The following PHF21A variants were observed in gnomAD, a reference collection of about 807,000 sequenced individuals.
PHF21A encodes PHD finger protein 21A, also known as BHC80a.
PHF21A carries 11 observed loss-of-function variants against 82.5 expected under a neutral mutation model. The ratio of observed to expected loss-of-function variants is 0.13; its 90% CI spans 0.08 to 0.22. The LOEUF is 0.22. Among genes scored for constraint, PHF21A ranks in the 10% least tolerant of loss-of-function variants. PHF21A has a pLI of 1.00. For synonymous variants in PHF21A, 297 were observed against 302.8 expected (o/e 0.98, Z 0.20); for missense variants, 579 against 837.8 (o/e 0.69, Z 3.81).
intron 6 of PHF21A, among the ~76,000 whole-genome samples, chr11:45,994,228 C>A (rs1276860913): frequency 6.6e-6 from 1 of 152,264 alleles, no homozygotes; most frequent in South Asian, 2.1e-4. Context: ...AAGTGTTGGG[C>A]TCTGGTGGGT....
In PHF21A at chr11:45,933,967, G is replaced by C. The variant is rs2088081745; in HGVS notation, c.*1C>G. The C allele has an allele frequency of 6.5e-7, 1 of 1,545,242 alleles. No individual in the cohort carries two copies. The highest frequency in any genetic ancestry group is 1.4e-5 in the African/African-American group (1 of 72,296). ...CCGTGGCTTCTCCTAGAGGGGCTCT[G>C]TTATTTAGTCTCTTCCCCCTGGTTA... On this transcript the variant is annotated 3_prime_UTR_variant, in exon 19 of 19. Transcript: ENST00000676320.
In PHF21A at chr11:45,934,244, G is replaced by A. The variant is rs761749780; in HGVS notation, c.1789-19C>T. ...TGCATTTCTGCAGCAAATGACAAGG[G>A]CAGTGGCACTGAGCCGCCTGGTTTC... On this transcript the variant is annotated intron_variant, in intron 18 of 18. Coordinates refer to ENST00000676320, the MANE Select transcript of PHF21A (RefSeq NM_001352027.3). 4.4e-6 allele frequency: 7 copies of A among 1,606,238 alleles called. No individual in the cohort carries two copies. In the South Asian group the frequency reaches 5.5e-5, roughly 13 times the overall value.
intron 6 of PHF21A, among the ~76,000 whole-genome samples, chr11:45,983,000 G>C (rs1435495457): frequency 1.3e-5 from 2 of 152,140 alleles, no homozygotes; most frequent in Non-Finnish European, 2.9e-5. Context: ...CCTAGCTAAA[G>C]TACACTAGAA....
intron 6 of PHF21A, among the ~76,000 whole-genome samples, chr11:46,041,800 T>G (rs1268854902): frequency 1.3e-5 from 2 of 152,204 alleles, no homozygotes; most frequent in African/African-American, 2.4e-5. Context: ...TCACACATCT[T>G]TCTTCTCCCA....
chr11:45,958,646 G>T (rs1466151219), intron 10 of PHF21A, among the ~76,000 whole-genome samples: 13 of 151,532 alleles, frequency 8.6e-5, no homozygotes, highest in Non-Finnish European at 1.8e-4. Context: ...ACCAGGCTTG[G>T]TGTTCATGCC....
chr11:46,037,220 T>C (rs889483028), intron 6 of PHF21A, among the ~76,000 whole-genome samples: 3 of 152,250 alleles, frequency 2.0e-5, no homozygotes, highest in Non-Finnish European at 2.9e-5. Context: ...ATGTTTGTAG[T>C]ATATTTTGTG....
intron 15 of PHF21A, among the ~76,000 whole-genome samples, chr11:45,945,058 C>T (rs1329002155): frequency 3.3e-5 from 5 of 152,332 alleles, no homozygotes; most frequent in South Asian, 4.1e-4. Context: ...CCACCATGCC[C>T]GGCCCCATTT....
chr11:45,981,355 T>C (rs2094272943), intron 6 of PHF21A, among the ~76,000 whole-genome samples: 1 of 134,140 alleles, frequency 7.5e-6, no homozygotes, highest in Non-Finnish European at 1.5e-5. Context: ...CATTGCACTC[T>C]GCACTCCAGC....
intron 5 of PHF21A, 135 bp from the exon 6 acceptor site, chr11:46,076,954 T>C: frequency 1.5e-6 from 1 of 656,346 alleles, no homozygotes. Flanking sequence ...TGTCATGCAT[T>C]ACACTGTGGC....
chr11:45,951,097 G>T (rs1591129924), intron 11 of PHF21A, among the ~76,000 whole-genome samples: 1 of 152,274 alleles, frequency 6.6e-6, no homozygotes, highest in East Asian at 1.9e-4. Flanking sequence ...GAAACAAATT[G>T]ATTTCTATTC....
At chr11:45,996,796 A>G (rs2094924150) in intron 6 of PHF21A, among the ~76,000 whole-genome samples, 2 of 152,260 alleles carry the variant, frequency 1.3e-5, no homozygotes, top group South Asian at 4.1e-4. Flanking sequence ...ACAGCAACTC[A>G]GAATAAAGTT....
chr11:46,010,657 G>A (rs78818556), intron 6 of PHF21A, among the ~76,000 whole-genome samples: 1 of 152,320 alleles, frequency 6.6e-6, no homozygotes, highest in Admixed American at 6.5e-5. Context: ...CTTGGCTGTG[G>A]AAGAAATAAC....
At chr11:46,010,294 G>A (rs533636673) in intron 6 of PHF21A, among the ~76,000 whole-genome samples, 1 of 152,276 alleles carries the variant, frequency 6.6e-6, no homozygotes, top group African/African-American at 2.4e-5. Context: ...TAAAATGTCA[G>A]CATTTTGTAA....
At chr11:46,040,890 G>GACACACACACACACAC (rs35673374) in intron 6 of PHF21A, among the ~76,000 whole-genome samples, 1 of 137,222 alleles carries the variant, frequency 7.3e-6, no homozygotes, top group African/African-American at 2.7e-5. Context: ...CTGACAGGAA[G>GACACACACACACACAC]ACACACACAC....
intron 1 of PHF21A, among the ~76,000 whole-genome samples, chr11:46,110,421 T>C (rs2097199002): frequency 6.6e-6 from 1 of 152,214 alleles, no homozygotes; most frequent in South Asian, 2.1e-4. Flanking sequence ...GTCAAAGGTC[T>C]CTATACTGAA....
In PHF21A at chr11:45,933,999, G is replaced by A. The variant is rs149898933; in HGVS notation, c.2015C>T (p.Ala672Val). 9.3e-5 allele frequency: 148 copies of A among 1,593,080 alleles called. No homozygotes were observed. The African/African-American group carries it at 1.6e-3, about 18-fold the overall frequency. ...APSPSSQSCTANCNQGEETK is the reference protein window; with the variant it reads ...APSPSSQSCTVNCNQGEETK ...AGTCTCTTCCCCCTGGTTACAGTTC[G>A]CTGTGCAGCTCTGGGAGGAGGGGGA... Residue 672 changes from alanine to valine, a missense_variant, in exon 19 of 19, where the codon GCG (alanine) becomes GTG (valine). Physicochemically the swap from Ala to Val is moderately conservative, Grantham distance 64. Transcript: ENST00000676320.
At chr11:46,070,168 T>C (rs2096639566) in intron 6 of PHF21A, among the ~76,000 whole-genome samples, 1 of 152,184 alleles carries the variant, frequency 6.6e-6, no homozygotes, top group African/African-American at 2.4e-5. Flanking sequence ...TAACTAGTTA[T>C]AGGAGGGACA....
At chr11:46,018,032 C>T (rs1313128664) in intron 6 of PHF21A, among the ~76,000 whole-genome samples, 1 of 151,898 alleles carries the variant, frequency 6.6e-6, no homozygotes, top group African/African-American at 2.4e-5. Flanking sequence ...GGGCGGATCA[C>T]GAGGTCAGGA....
At chr11:46,067,761 G>T (rs1387956185) in intron 6 of PHF21A, among the ~76,000 whole-genome samples, 1 of 152,042 alleles carries the variant, frequency 6.6e-6, no homozygotes, top group African/African-American at 2.4e-5. Context: ...AGACTTGAGG[G>T]GTACAAATGT....
Sources: allele counts gnomAD v4.1 joint callset (sites outside exome capture counted in the v4.1 genomes callset), GRCh38; gene constraint gnomAD v4.1.1; transcripts MANE v1.5; gene names NCBI Gene and HGNC (gene_info 2026-07-23, HGNC 2026-07-21).